Variants in LCA5 observed in about 807,000 individuals in gnomAD.
LCA5 encodes lebercilin LCA5, also known as lebercilin.
LCA5 carries 37 observed loss-of-function variants against 53.0 expected under a neutral mutation model. That is an observed-to-expected ratio of 0.70 (90% CI 0.54 to 0.92). The LOEUF (loss-of-function observed/expected upper bound fraction) is 0.92. Ranked by LOEUF, LCA5 falls within the 40% of genes least tolerant of loss-of-function variation. The probability of loss-of-function intolerance (pLI) is 0.00; values close to 1 mark genes in which losing one functional copy is unlikely to be tolerated. For missense variants in LCA5, 806 were observed against 790.5 expected (o/e 1.02, Z -0.23); for synonymous variants, 303 against 282.9 (o/e 1.07, Z -0.71).
intron 2 of LCA5, among the ~76,000 whole-genome samples, chr6:79,515,296 GGAAAACA>G (rs1562107598): frequency 6.6e-6 from 1 of 151,986 alleles, no homozygotes; most frequent in African/African-American, 2.4e-5. Flanking sequence ...TATCGGAGAT[GGAAAACA>G]GAAAACAGAA....
At chr6:79,524,571 T>C (rs1307301623) in intron 1 of LCA5, among the ~76,000 whole-genome samples, 3 of 152,210 alleles carry the variant, frequency 2.0e-5, no homozygotes, top group Non-Finnish European at 2.9e-5. Flanking sequence ...ACAGTCACTC[T>C]TTTATTCAAA....
chr6:79,513,081 A>C (rs1048732454), intron 3 of LCA5, 131 bp downstream of exon 3: 1 of 892,796 alleles, frequency 1.1e-6, no homozygotes, highest in Non-Finnish European at 1.8e-6. Context: ...AAATTTTCCC[A>C]AAACAGTACT....
Position 79,487,983 on chromosome 6 carries a change from G to GA in LCA5, c.1232-118dup, listed in dbSNP as rs1447922835. 45 of 781,564 alleles carry GA rather than the reference G, an allele frequency of 5.8e-5. 1 individual carries two copies. Among genetic ancestry groups the GA allele is most frequent in the Admixed American group, 5.7e-5 (2 of 35,336 alleles). The allele number at this position is 781,564 out of a possible 1,614,324, so 48.4% of individuals were successfully genotyped here. ...AATTTGGGTATTATAAATCAAGTGA[G>GA]AAAAGACATCATAAATTTCATTTCT... On this transcript the variant is annotated intron_variant, in intron 7 of 7. Coordinates refer to ENST00000369846, the MANE Select transcript of LCA5 (RefSeq NM_001122769.3).
chr6:79,495,312 T>C (rs530670156), intron 3 of LCA5, among the ~76,000 whole-genome samples: 3 of 152,014 alleles, frequency 2.0e-5, no homozygotes, highest in Non-Finnish European at 4.4e-5. Context: ...GCCAAAAAGG[T>C]TGGGGACCGC....
chr6:79,538,169 C>T (rs1364933187), upstream of LCA5, among the ~76,000 whole-genome samples: 2 of 150,470 alleles, frequency 1.3e-5, no homozygotes, highest in African/African-American at 4.9e-5. Context: ...AATCCTCTTT[C>T]GTGAGGGCTT....
chr6:79,515,086 T>C (rs762377183), intron 2 of LCA5, among the ~76,000 whole-genome samples: 15 of 152,088 alleles, frequency 9.9e-5, no homozygotes, highest in Non-Finnish European at 1.8e-4. Flanking sequence ...ACTTTCTCCA[T>C]CTGGGGACAG....
At chr6:79,492,271 C>T (rs912591566) in intron 5 of LCA5, among the ~76,000 whole-genome samples, 18 of 151,672 alleles carry the variant, frequency 1.2e-4, no homozygotes, top group African/African-American at 3.9e-4. Flanking sequence ...CTCTCTACTT[C>T]GGGGTATATT....
chr6:79,486,765 T>C lies in LCA5; in HGVS notation c.*239A>G. On this transcript the variant is annotated 3_prime_UTR_variant, in exon 8 of 8. Transcript: ENST00000369846. ...CACTGGATGAAGAGTTAAAATCTAT[T>C]TCATTTTTCAAGACATATTTTTATT... The C allele has an allele frequency of 4.7e-6, 2 of 428,354 alleles. No homozygotes were observed. The highest frequency in any genetic ancestry group is 6.5e-4 in the Middle Eastern group (1 of 1,540). The allele number at this position is 428,354 out of a possible 1,614,324, so 26.5% of individuals were successfully genotyped here.
chr6:79,516,939 A>C (rs1181830085), intron 2 of LCA5, among the ~76,000 whole-genome samples: 1 of 152,014 alleles, frequency 6.6e-6, no homozygotes, highest in South Asian at 2.1e-4. Flanking sequence ...AAACTTATTA[A>C]ATTTTACCAT....
In LCA5 at chr6:79,493,740, T is replaced by C; in HGVS notation, c.731A>G (p.Lys244Arg). Residue 244 changes from lysine (K) to arginine (R), a missense_variant, in exon 4 of 8, where the codon AAA becomes AGA. Physicochemically the swap from Lys to Arg is conservative, Grantham distance 26. Transcript: ENST00000369846. ...ACTGTTAGTACTCAGTTCAAGGTTT[T>C]TCGATAGCTCCTATATGTATAAATA... ...DTERRIKELS[K>R]NLELSTNSFQ... is the part of the protein sequence containing the mutation. The C allele has an allele frequency of 6.2e-7, 1 of 1,612,652 alleles. No individual in the cohort carries two copies. The highest frequency in any genetic ancestry group is 8.5e-7 in the Non-Finnish European group (1 of 1,179,180).
intron 1 of LCA5, among the ~76,000 whole-genome samples, chr6:79,524,073 G>A (rs1298576362): frequency 2.0e-5 from 3 of 151,994 alleles, no homozygotes; most frequent in South Asian, 2.1e-4. Context: ...TGGAAAAAAC[G>A]TTTCTTATAT....
chr6:79,519,147 T>C (rs1237697870), intron 1 of LCA5, 62 bp from the exon 2 acceptor site: 1 of 523,936 alleles, frequency 1.9e-6, no homozygotes. Context: ...TACAGTTAAT[T>C]ACAATGAAAG....
intron 3 of LCA5, among the ~76,000 whole-genome samples, chr6:79,504,330 A>C (rs1770220388): frequency 6.6e-6 from 1 of 152,200 alleles, no homozygotes; most frequent in Non-Finnish European, 1.5e-5. Context: ...ATGTTAAAAG[A>C]ATAACTTTAG....
chr6:79,491,470 C>G, intron 6 of LCA5, 118 bp downstream of exon 6: 1 of 1,066,796 alleles, frequency 9.4e-7, no homozygotes, highest in Non-Finnish European at 1.4e-6. Flanking sequence ...AAAGGCTAGT[C>G]GCATATTCAT....
intron 3 of LCA5, among the ~76,000 whole-genome samples, chr6:79,505,945 T>C (rs972574009): frequency 2.0e-5 from 3 of 152,066 alleles, no homozygotes; most frequent in East Asian, 3.8e-4. Flanking sequence ...GGGAAGACAA[T>C]GTAAGTAAAG....
At chr6:79,527,753 T>C (rs147319860) in intron 1 of LCA5, among the ~76,000 whole-genome samples, 1 of 152,282 alleles carries the variant, frequency 6.6e-6, no homozygotes, top group Non-Finnish European at 1.5e-5. Context: ...AATCCAGCCA[T>C]TCTAAACCAA....
rs1370694546 is a variant in LCA5 at position 79,485,949 on chromosome 6, A to G, written c.*1055T>C. The stretch of plus-strand genomic sequence containing the variant: ...CAAAAGACCAATGCATTTAAACAGA[A>G]AACTATCCACTCTAGTCAACAAGGC... On this transcript the variant is annotated 3_prime_UTR_variant, in exon 8 of 8. Transcript: ENST00000369846. The G allele has an allele frequency of 6.6e-6, 1 of 152,200 alleles. No individual in the cohort carries two copies. The highest frequency in any genetic ancestry group is 2.4e-5 in the African/African-American group (1 of 41,450). The allele number at this position is 152,200 out of a possible 1,614,324, so 9.4% of individuals were successfully genotyped here.
In LCA5 at chr6:79,495,841, G is replaced by T. The variant is rs1769969691; in HGVS notation, c.721-2091C>A. Reference sequence around the variant, plus strand: ...TTTCTGCATTTGGTTGTGGAATGTGGAACCTGTGGATATGGTGGGCCTACC... The same window carrying T: ...TTTCTGCATTTGGTTGTGGAATGTGTAACCTGTGGATATGGTGGGCCTACC... On this transcript the variant is annotated intron_variant, in intron 3 of 7. Transcript: ENST00000369846. 2.0e-5 allele frequency among the ~76,000 whole-genome samples: 3 copies of T among 151,694 alleles called. No individual in the cohort carries two copies. In the South Asian group the frequency reaches 6.2e-4, roughly 32 times the overall value.
intron 7 of LCA5, chr6:79,488,861 C>G: frequency 1.7e-6 from 1 of 584,304 alleles, no homozygotes; most frequent in Non-Finnish European, 3.0e-6. Flanking sequence ...TATTCCCTAA[C>G]CCTAAATAGC....
Sources: allele counts gnomAD v4.1 joint callset (sites outside exome capture counted in the v4.1 genomes callset), GRCh38; gene constraint gnomAD v4.1.1; transcripts MANE v1.5; gene names NCBI Gene and HGNC (gene_info 2026-07-23, HGNC 2026-07-21).